The following ZMYM2 variants were observed in gnomAD, a reference collection of about 807,000 sequenced individuals.
The protein encoded by ZMYM2 is zinc finger MYM-type protein 2.
Under a neutral mutation model 162.8 loss-of-function variants are expected in ZMYM2, and 56 were observed. The ratio of observed to expected loss-of-function variants is 0.34; its 90% CI spans 0.28 to 0.43. The LOEUF is 0.43. Ranked by LOEUF, ZMYM2 falls within the 20% of genes least tolerant of loss-of-function variation. The pLI is 1.00. For synonymous variants in ZMYM2, 510 were observed against 541.6 expected (o/e 0.94, Z 0.81); for missense variants, 1,275 against 1,621.8 (o/e 0.79, Z 3.67).
intron 21 of ZMYM2, among the ~76,000 whole-genome samples, chr13:20,069,775 C>G (rs944289770): frequency 2.0e-5 from 3 of 150,174 alleles, no homozygotes; most frequent in African/African-American, 4.9e-5. Context: ...TCAGAGTTTT[C>G]TTTTTTTAAC....
chr13:19,916,433 T>A, the ZMYM2 span, among the ~76,000 whole-genome samples: 1 of 152,180 alleles, frequency 6.6e-6, no homozygotes, highest in East Asian at 1.9e-4. Context: ...TGCGGCATTA[T>A]TCACAATAGC....
chr13:20,044,065 C>T (rs920581632), intron 12 of ZMYM2, among the ~76,000 whole-genome samples: 3 of 152,124 alleles, frequency 2.0e-5, no homozygotes, highest in Non-Finnish European at 2.9e-5. Flanking sequence ...TTCTTATGGG[C>T]AAGACCTCCC....
At chr13:19,936,339 T>C in the ZMYM2 span, among the ~76,000 whole-genome samples, 2 of 152,338 alleles carry the variant, frequency 1.3e-5, 1 homozygote, top group East Asian at 3.9e-4. Flanking sequence ...TCTGCTCACT[T>C]AGCCATGGAT....
chr13:20,036,929 C>T lies in ZMYM2; in HGVS notation c.2292+20C>T, dbSNP rs771173778. 1.3e-6 allele frequency: 2 copies of T among 1,588,128 alleles called. No homozygotes were observed. Among genetic ancestry groups the T allele is most frequent in the East Asian group, 2.3e-5 (1 of 44,208 alleles). ...TACAAGGCGAGTAACTCCTTTATTA[C>T]AGCAGCTACTTTAACCAGTCTTAAA... is the stretch of plus-strand genomic sequence containing the variant. On this transcript the variant is annotated intron_variant, in intron 12 of 24. Transcript: ENST00000610343.
At chr13:20,024,440 A>G (rs150067605) in intron 7 of ZMYM2, 49 of 213,982 alleles carry the variant, frequency 2.3e-4, no homozygotes, top group African/African-American at 1.1e-3. Context: ...TAGATGGTGG[A>G]ACTTAATTTA....
chr13:19,902,026 C>T, the ZMYM2 span, among the ~76,000 whole-genome samples: 13 of 152,042 alleles, frequency 8.6e-5, no homozygotes, highest in African/African-American at 1.2e-4. Context: ...TTGCCTCAAG[C>T]GATCTTCCTG....
chr13:19,929,278 G>C, the ZMYM2 span, among the ~76,000 whole-genome samples: 231 of 150,966 alleles, frequency 1.5e-3, no homozygotes, highest in Non-Finnish European at 3.0e-3. Flanking sequence ...TCACTCTGTC[G>C]CCCAGGTTGG....
the ZMYM2 span, among the ~76,000 whole-genome samples, chr13:19,888,438 CTT>C: frequency 6.6e-6 from 1 of 152,016 alleles, no homozygotes; most frequent in Admixed American, 6.6e-5. Context: ...ATCCTCCTGC[CTT>C]GGCATCCCAA....
At chr13:19,919,665 G>GT in the ZMYM2 span, among the ~76,000 whole-genome samples, 3 of 135,502 alleles carry the variant, frequency 2.2e-5, no homozygotes, top group African/African-American at 8.2e-5. Context: ...CTCTTTATAT[G>GT]TTTTTTTTCT....
chr13:19,906,569 A>G, the ZMYM2 span, among the ~76,000 whole-genome samples: 2 of 150,376 alleles, frequency 1.3e-5, no homozygotes, highest in Admixed American at 1.3e-4. Flanking sequence ...TTTTTCTTAG[A>G]CAGGGATTAA....
At chr13:19,961,321 C>G (rs1445033330) in intron 2 of ZMYM2, among the ~76,000 whole-genome samples, 2 of 152,050 alleles carry the variant, frequency 1.3e-5, no homozygotes, top group East Asian at 3.9e-4. Flanking sequence ...TTTATACTGC[C>G]TTGTTTCAAA....
chr13:20,014,762 GTTTTTT>G (rs71070286), intron 6 of ZMYM2, among the ~76,000 whole-genome samples: 1,005 of 92,828 alleles, frequency 0.011, 12 homozygotes, highest in Non-Finnish European at 0.015. Context: ...TTTACTTTAG[GTTTTTT>G]TTTTTTTTTT....
chr13:19,992,368 AG>A (rs1235532823), intron 2 of ZMYM2, among the ~76,000 whole-genome samples: 1 of 152,128 alleles, frequency 6.6e-6, no homozygotes, highest in Non-Finnish European at 1.5e-5. Context: ...GAGACCAGCC[AG>A]GGCAACATAG....
the ZMYM2 span, among the ~76,000 whole-genome samples, chr13:19,910,184 G>A: frequency 6.6e-6 from 1 of 151,832 alleles, no homozygotes; most frequent in East Asian, 1.9e-4. Flanking sequence ...CCGAGATTGC[G>A]CCACTGCACT....
rs370876190 is a variant in ZMYM2, at chr13:20,010,885, C to T, written c.1512+4299C>T. 1.9e-4 allele frequency among the ~76,000 whole-genome samples: 29 copies of T among 152,244 alleles called. No individual in the cohort carries two copies. In the East Asian group the frequency reaches 2.5e-3, roughly 13 times the overall value. ...CAAACTCCTGACATCGTAATCTGCC[C>T]GCCTCGGCCTCCCCAAGTGCTGGGA... is the stretch of plus-strand genomic sequence containing the variant. On this transcript the variant is annotated intron_variant, in intron 6 of 24. Coordinates refer to ENST00000610343, the MANE Select transcript of ZMYM2 (RefSeq NM_197968.4).
chr13:20,078,468 T>C (rs1367062996), intron 21 of ZMYM2, among the ~76,000 whole-genome samples: 1 of 152,238 alleles, frequency 6.6e-6, no homozygotes, highest in East Asian at 1.9e-4. Context: ...ATGTTTGTCA[T>C]ATTAGTGACA....
chr13:19,954,126 A>ATTTTTTTT (rs781288600), upstream of ZMYM2, among the ~76,000 whole-genome samples: 1 of 64,912 alleles, frequency 1.5e-5, no homozygotes, highest in Non-Finnish European at 3.0e-5. Flanking sequence ...GCTATGTTTA[A>ATTTTTTTT]TTTTTTTTTT....
chr13:19,920,794 C>T, the ZMYM2 span, among the ~76,000 whole-genome samples: 2 of 152,046 alleles, frequency 1.3e-5, no homozygotes, highest in Non-Finnish European at 2.9e-5. Flanking sequence ...GACTGTGTCT[C>T]GCTCTGTCTC....
chr13:19,946,482 A>G, the ZMYM2 span, among the ~76,000 whole-genome samples: 3 of 152,226 alleles, frequency 2.0e-5, no homozygotes, highest in African/African-American at 7.2e-5. Context: ...CTTCTTCAGA[A>G]AAGTGTTCTA....
Sources: allele counts gnomAD v4.1 joint callset (sites outside exome capture counted in the v4.1 genomes callset), GRCh38; gene constraint gnomAD v4.1.1; transcripts MANE v1.5; gene names NCBI Gene and HGNC (gene_info 2026-07-23, HGNC 2026-07-21).